The following COL21A1 variants were observed in gnomAD, a reference collection of about 807,000 sequenced individuals.
The protein encoded by COL21A1 is collagen alpha-1(XXI) chain.
In COL21A1, 149 loss-of-function variants were observed where a neutral mutation model predicts 137.9. The observed-to-expected ratio is 1.08, with a 90% confidence interval of 0.95 to 1.24. The LOEUF is 1.24. Ranked by LOEUF, COL21A1 falls within the 50% of genes most tolerant of loss-of-function variation. COL21A1 has a pLI of 0.00. For synonymous variants in COL21A1, 456 were observed against 391.5 expected (o/e 1.16, Z -1.95); for missense variants, 1,167 against 1,158.4 (o/e 1.01, Z -0.11).
At chr6:56,105,243 AT>A (rs771718003) in intron 16 of COL21A1, among the ~76,000 whole-genome samples, 1 of 152,196 alleles carries the variant, frequency 6.6e-6, no homozygotes, top group Non-Finnish European at 1.5e-5. Flanking sequence ...GATGTTATGC[AT>A]AAAATGCCAT....
chr6:56,330,306 G>T (rs1765188918), intron 1 of COL21A1, among the ~76,000 whole-genome samples: 1 of 152,008 alleles, frequency 6.6e-6, no homozygotes, highest in South Asian at 2.1e-4. Context: ...TAAAATAGTT[G>T]TAAATAAACA....
chr6:56,346,061 A>AT (rs1271129197), intron 1 of COL21A1, among the ~76,000 whole-genome samples: 3 of 152,212 alleles, frequency 2.0e-5, no homozygotes, highest in Non-Finnish European at 4.4e-5. Flanking sequence ...CTTTTGTAGT[A>AT]TTTTTTAAAT....
rs146151949 is a variant in COL21A1 at position 56,215,894 on chromosome 6, T to C, written c.-39+31493A>G. 7.8e-4 allele frequency among the ~76,000 whole-genome samples: 118 copies of C among 152,210 alleles called. 2 individuals are homozygous for C. In the East Asian group the frequency reaches 0.018, roughly 24 times the overall value. On this transcript the variant is annotated intron_variant, in intron 1 of 29. Coordinates refer to ENST00000244728, the MANE Select transcript of COL21A1 (RefSeq NM_030820.4). ...TGCAAGCAGTCATCTGTCATTTTCCTGTAAGGTATTACATATTCATGTGTA... is the reference window on the plus strand; with the variant it reads ...TGCAAGCAGTCATCTGTCATTTTCCCGTAAGGTATTACATATTCATGTGTA...
At chr6:56,352,168 G>T (rs1765724594) in intron 1 of COL21A1, among the ~76,000 whole-genome samples, 2 of 143,444 alleles carry the variant, frequency 1.4e-5, no homozygotes, top group African/African-American at 4.9e-5. Context: ...AATCCATGAT[G>T]AACAAAATAT....
At chr6:56,230,834 T>G (rs1046254621) in intron 1 of COL21A1, among the ~76,000 whole-genome samples, 8 of 152,082 alleles carry the variant, frequency 5.3e-5, no homozygotes, top group African/African-American at 1.9e-4. Flanking sequence ...GTTTCAAATT[T>G]TTCATTTCCA....
At chr6:56,323,792 A>C (rs1485882480) in intron 1 of COL21A1, among the ~76,000 whole-genome samples, 2 of 152,180 alleles carry the variant, frequency 1.3e-5, no homozygotes, top group Non-Finnish European at 2.9e-5. Context: ...CACTACAGTT[A>C]ATAAGTATTT....
At chr6:56,133,773 G>C (rs1380360191) in intron 12 of COL21A1, among the ~76,000 whole-genome samples, 1 of 152,228 alleles carries the variant, frequency 6.6e-6, no homozygotes, top group Admixed American at 6.5e-5. Flanking sequence ...AAGGGACCAA[G>C]GTACAGCATG....
intron 1 of COL21A1, among the ~76,000 whole-genome samples, chr6:56,235,658 T>C (rs552643836): frequency 2.0e-4 from 30 of 152,066 alleles, no homozygotes; most frequent in African/African-American, 6.7e-4. Flanking sequence ...TAACACCTGA[T>C]GTCAGCCTGG....
chr6:56,367,759 G>A (rs998418478), intron 1 of COL21A1, among the ~76,000 whole-genome samples: 3 of 152,166 alleles, frequency 2.0e-5, no homozygotes, highest in Non-Finnish European at 4.4e-5. Context: ...TTGTCACCCA[G>A]GCTGGAGTGC....
At chr6:56,221,080 T>G (rs899337238) in intron 1 of COL21A1, among the ~76,000 whole-genome samples, 5 of 152,180 alleles carry the variant, frequency 3.3e-5, no homozygotes, top group Non-Finnish European at 7.3e-5. Flanking sequence ...TCTCAACTAC[T>G]GGCATTTGAA....
chr6:56,312,246 G>T (rs1764630403), intron 1 of COL21A1, among the ~76,000 whole-genome samples: 1 of 152,148 alleles, frequency 6.6e-6, no homozygotes, highest in Admixed American at 6.5e-5. Flanking sequence ...GAAGCCGATT[G>T]TTGACTTAGA....
intron 1 of COL21A1, among the ~76,000 whole-genome samples, chr6:56,285,564 T>A (rs1030248527): frequency 1.3e-5 from 2 of 152,214 alleles, no homozygotes; most frequent in East Asian, 3.8e-4. Flanking sequence ...TCATTTCTCT[T>A]CTCATTTCTT....
chr6:56,159,394 A>G (rs1461317627), intron 9 of COL21A1, among the ~76,000 whole-genome samples: 1 of 147,416 alleles, frequency 6.8e-6, no homozygotes, highest in Admixed American at 6.8e-5. Flanking sequence ...GTGCAATAGC[A>G]TGATCCTGGC....
intron 1 of COL21A1, among the ~76,000 whole-genome samples, chr6:56,285,695 A>G (rs1472704260): frequency 6.6e-6 from 1 of 151,732 alleles, no homozygotes; most frequent in Non-Finnish European, 1.5e-5. Flanking sequence ...CTCAGCCACT[A>G]CCCTCCTAAG....
intron 20 of COL21A1, 125 bp from the exon 21 acceptor site, chr6:56,070,923 A>G: frequency 1.3e-6 from 1 of 770,526 alleles, no homozygotes; most frequent in Non-Finnish European, 2.1e-6. Context: ...ATTGTTTGAT[A>G]GACTCTGTAC....
chr6:56,060,740 C>T lies in COL21A1; in HGVS notation c.2407+1G>A. On this transcript the variant is annotated splice_donor_variant, in intron 27 of 29. Coordinates refer to ENST00000244728, the MANE Select transcript of COL21A1 (RefSeq NM_030820.4). LOFTEE classifies it high-confidence loss of function. Reference sequence around the variant, plus strand: ...ATTAAAATGCTATATTTGATACCTACCTCTTATTACATCTGTGCAAACTTG... The same window carrying T: ...ATTAAAATGCTATATTTGATACCTATCTCTTATTACATCTGTGCAAACTTG... 1 of 1,600,786 alleles carries T rather than the reference C, an allele frequency of 6.2e-7. No homozygotes were observed. Among genetic ancestry groups the T allele is most frequent in the Non-Finnish European group, 8.5e-7 (1 of 1,176,066 alleles).
chr6:56,180,622 G>T (rs1434427462), intron 2 of COL21A1, among the ~76,000 whole-genome samples: 2 of 151,698 alleles, frequency 1.3e-5, no homozygotes, highest in Non-Finnish European at 2.9e-5. Flanking sequence ...AGGTCCTTTT[G>T]GGGAAAAAAA....
intron 17 of COL21A1, among the ~76,000 whole-genome samples, chr6:56,084,760 A>C (rs1333910228): frequency 6.6e-6 from 1 of 152,090 alleles, no homozygotes; most frequent in Non-Finnish European, 1.5e-5. Context: ...TTGGTCTTTC[A>C]AAATAAAAAA....
chr6:56,389,264 A>G (rs921657748), intron 1 of COL21A1, among the ~76,000 whole-genome samples: 1 of 152,102 alleles, frequency 6.6e-6, no homozygotes, highest in African/African-American at 2.4e-5. Context: ...TGGGAGGCTG[A>G]GACAGAATTA....
Sources: gnomAD v4.1 joint callset for allele counts (sites outside exome capture counted in the v4.1 genomes callset) on GRCh38, gnomAD v4.1.1 for gene constraint, MANE v1.5 for transcripts, NCBI Gene and HGNC (gene_info 2026-07-23, HGNC 2026-07-21) for gene names.